GREM2: variants seen among roughly 807,000 people sequenced by gnomAD.
The protein encoded by GREM2 is gremlin 2, DAN family BMP antagonist.
GREM2 carries 11 observed loss-of-function variants against 14.2 expected under a neutral mutation model. The observed-to-expected ratio is 0.78, with a 90% CI of 0.49 to 1.28. The LOEUF (loss-of-function observed/expected upper bound fraction) is 1.28, where lower values mean the gene tolerates loss of function less well. Among genes scored for constraint, GREM2 ranks in the 50% most tolerant of loss-of-function variants. The pLI is 0.00. For synonymous variants in GREM2, 98 were observed against 97.6 expected, an observed-to-expected ratio of 1.00 and a Z score of -0.02; for missense variants, 210 against 218.5, an observed-to-expected ratio of 0.96 and a Z score of 0.24.
At chr1:240,595,442 C>A (rs1279140684) in intron 1 of GREM2, among the ~76,000 whole-genome samples, 2 of 152,194 alleles carry the variant, frequency 1.3e-5, no homozygotes, top group South Asian at 4.1e-4. Context: ...CCCTTTCCTG[C>A]ACCCCCTCCT....
chr1:240,611,215 G>A (rs1219103680), intron 1 of GREM2, among the ~76,000 whole-genome samples: 1 of 151,934 alleles, frequency 6.6e-6, no homozygotes, highest in Admixed American at 6.6e-5. Flanking sequence ...TGAGATCCTG[G>A]AACTGAACGT....
At chr1:240,582,155 T>C (rs1679496912) in intron 1 of GREM2, among the ~76,000 whole-genome samples, 1 of 152,168 alleles carries the variant, frequency 6.6e-6, no homozygotes, top group South Asian at 2.1e-4. Context: ...GAGTTTAGGA[T>C]GGCCGGGCTC....
At chr1:240,500,220 C>T (rs1677537727) in intron 1 of GREM2, among the ~76,000 whole-genome samples, 1 of 152,146 alleles carries the variant, frequency 6.6e-6, no homozygotes, top group African/African-American at 2.4e-5. Flanking sequence ...ACCAGCATCC[C>T]AAAGTTGGTA....
chr1:240,568,889 A>G (rs969872300), intron 1 of GREM2, among the ~76,000 whole-genome samples: 1 of 152,166 alleles, frequency 6.6e-6, no homozygotes, highest in Non-Finnish European at 1.5e-5. Flanking sequence ...ATTTGGAAAT[A>G]AAAATTTAAA....
intron 1 of GREM2, among the ~76,000 whole-genome samples, chr1:240,548,316 C>T (rs2103334989): frequency 6.6e-6 from 1 of 151,868 alleles, no homozygotes; most frequent in East Asian, 1.9e-4. Context: ...AAATAAAAGG[C>T]AAAGAAATAG....
chr1:240,594,294 C>T (rs1679771991), intron 1 of GREM2, among the ~76,000 whole-genome samples: 1 of 152,130 alleles, frequency 6.6e-6, no homozygotes, highest in Non-Finnish European at 1.5e-5. Context: ...CAGCTTGATT[C>T]CCATAAATTA....
intron 1 of GREM2, among the ~76,000 whole-genome samples, chr1:240,575,465 A>C (rs1330258314): frequency 6.6e-6 from 1 of 152,086 alleles, no homozygotes; most frequent in Non-Finnish European, 1.5e-5. Flanking sequence ...TTATATGACC[A>C]ATATGTTGTT....
chr1:240,494,120 T>C (rs1010999505), intron 1 of GREM2, among the ~76,000 whole-genome samples: 2 of 152,262 alleles, frequency 1.3e-5, no homozygotes, highest in South Asian at 2.1e-4. Context: ...TAATACTCAA[T>C]ATTTACAGTG....
intron 1 of GREM2, among the ~76,000 whole-genome samples, chr1:240,527,830 T>A (rs929792744): frequency 2.4e-4 from 36 of 152,358 alleles, no homozygotes; most frequent in Admixed American, 2.2e-3. Context: ...CCAAGTGTCG[T>A]ATTTCTATCT....
intron 1 of GREM2, among the ~76,000 whole-genome samples, chr1:240,569,836 TA>T (rs1217528171): frequency 2.0e-5 from 3 of 152,220 alleles, no homozygotes; most frequent in African/African-American, 7.2e-5. Context: ...AAAAAATTGA[TA>T]AATTAGACTT....
At chr1:240,506,710 T>C (rs955891447) in intron 1 of GREM2, among the ~76,000 whole-genome samples, 1 of 152,250 alleles carries the variant, frequency 6.6e-6, no homozygotes, top group African/African-American at 2.4e-5. Flanking sequence ...TATTCATTCA[T>C]TCATTTTCCA....
chr1:240,605,858 A>G (rs1368578945), intron 1 of GREM2, among the ~76,000 whole-genome samples: 3 of 152,054 alleles, frequency 2.0e-5, no homozygotes, highest in Admixed American at 6.5e-5. Flanking sequence ...GAAAAACAAA[A>G]CCTATCAAAA....
At chr1:240,503,057 C>A (rs1347255364) in intron 1 of GREM2, among the ~76,000 whole-genome samples, 1 of 152,190 alleles carries the variant, frequency 6.6e-6, no homozygotes, top group Non-Finnish European at 1.5e-5. Flanking sequence ...GCTTTAGCAG[C>A]TTCCATGAGG....
At position 240,611,921 on chromosome 1, in the gene GREM2, T is replaced by TTC. The variant is rs372820772; in HGVS notation, c.-41_-40dup. ...GATGGAAGCCTCCTCCTCGGGTCCC[T>TTC]TCTCTCTCTCTCTCTCCCTCTCCCT... On this transcript the variant is annotated 5_prime_UTR_variant, in exon 1 of 2. Transcript: ENST00000318160. 1.1e-4 allele frequency: 17 copies of TTC among 152,006 alleles called. No homozygotes were observed. The East Asian group carries it at 1.2e-3, about 10-fold the overall frequency. The allele number at this position is 152,006 out of a possible 1,614,324, so 9.4% of individuals were successfully genotyped here.
chr1:240,551,644 T>C (rs891113260), intron 1 of GREM2, among the ~76,000 whole-genome samples: 4 of 152,038 alleles, frequency 2.6e-5, no homozygotes, highest in Non-Finnish European at 4.4e-5. Context: ...TTACTTTTTT[T>C]TTTTTTAGTT....
chr1:240,591,070 A>T (rs149566197), intron 1 of GREM2, among the ~76,000 whole-genome samples: 2 of 151,682 alleles, frequency 1.3e-5, no homozygotes, highest in Non-Finnish European at 3.0e-5. Flanking sequence ...GTGAGCCACC[A>T]TGCCCAGCCA....
chr1:240,520,222 T>C (rs1678053410), intron 1 of GREM2, among the ~76,000 whole-genome samples: 1 of 152,224 alleles, frequency 6.6e-6, no homozygotes, highest in South Asian at 2.1e-4. Flanking sequence ...GCCAAGCACA[T>C]GGTCAATTAC....
chr1:240,504,183 GA>G (rs1341415883), intron 1 of GREM2, among the ~76,000 whole-genome samples: 1 of 152,016 alleles, frequency 6.6e-6, no homozygotes, highest in East Asian at 1.9e-4. Flanking sequence ...TGGAATATTT[GA>G]AAAAATGGAA....
At chr1:240,591,483 G>A (rs1332582681) in intron 1 of GREM2, among the ~76,000 whole-genome samples, 2 of 152,206 alleles carry the variant, frequency 1.3e-5, no homozygotes, top group African/African-American at 4.8e-5. Flanking sequence ...GTGTACAGAA[G>A]AGCTTACGTC....
Sources: allele counts gnomAD v4.1 joint callset (sites outside exome capture counted in the v4.1 genomes callset), GRCh38; gene constraint gnomAD v4.1.1; transcripts MANE v1.5; gene names NCBI Gene and HGNC (gene_info 2026-07-23, HGNC 2026-07-21).